CFAP54: variants seen among roughly 807,000 people sequenced by gnomAD.
CFAP54 encodes the protein cilia- and flagella-associated protein 54.
Under a neutral mutation model 370.4 loss-of-function variants are expected in CFAP54, and 290 were observed. That is an observed-to-expected ratio of 0.78 (90% CI 0.71 to 0.86). The LOEUF is 0.86. Ranked by LOEUF, CFAP54 falls within the 40% of genes least tolerant of loss-of-function variation. The pLI is 0.00. For synonymous variants in CFAP54, 1,206 were observed against 1,236.5 expected (o/e 0.98, Z 0.52); for missense variants, 3,399 against 3,528.7 (o/e 0.96, Z 0.93).
At chr12:96,583,228 T>C (rs558198885) in intron 22 of CFAP54, among the ~76,000 whole-genome samples, 56 of 152,188 alleles carry the variant, frequency 3.7e-4, no homozygotes, top group Non-Finnish European at 6.6e-4. Context: ...CTTTTTGAAT[T>C]ATCTATTTTC....
At chr12:96,764,018 G>A (rs960646553) in intron 58 of CFAP54, 133 bp from the exon 59 acceptor site, 9 of 522,564 alleles carry the variant, frequency 1.7e-5, no homozygotes, top group South Asian at 3.4e-5. Flanking sequence ...AATGTATTTC[G>A]AATATCTTCT....
At chr12:96,761,732 T>C (rs1338860808) in intron 58 of CFAP54, among the ~76,000 whole-genome samples, 1 of 152,176 alleles carries the variant, frequency 6.6e-6, no homozygotes, top group African/African-American at 2.4e-5. Context: ...CTCAGCACCA[T>C]TTGTTGCAAA....
chr12:96,710,992 T>A (rs1048506728), intron 48 of CFAP54, among the ~76,000 whole-genome samples: 9 of 152,236 alleles, frequency 5.9e-5, no homozygotes, highest in Non-Finnish European at 1.3e-4. Flanking sequence ...TGATATTAAC[T>A]CTTCTTTAAA....
At chr12:96,525,377 A>G (rs1955367978) in intron 8 of CFAP54, among the ~76,000 whole-genome samples, 1 of 151,442 alleles carries the variant, frequency 6.6e-6, no homozygotes, top group African/African-American at 2.4e-5. Context: ...TGTTTTCCTT[A>G]TTGCTTCAGC....
intron 19 of CFAP54, among the ~76,000 whole-genome samples, chr12:96,567,839 G>A (rs1435716104): frequency 6.6e-6 from 1 of 152,040 alleles, no homozygotes; most frequent in Non-Finnish European, 1.5e-5. Context: ...CAAGTTTCCA[G>A]TGTGGGCAGG....
At chr12:96,723,634 A>T (rs1287897457) in intron 50 of CFAP54, among the ~76,000 whole-genome samples, 1 of 151,958 alleles carries the variant, frequency 6.6e-6, no homozygotes, top group East Asian at 1.9e-4. Flanking sequence ...GGAAGAGAGA[A>T]ACTGGAGCCC....
chr12:96,612,044 G>A (rs927628690), intron 26 of CFAP54, among the ~76,000 whole-genome samples: 1 of 152,102 alleles, frequency 6.6e-6, no homozygotes, highest in Non-Finnish European at 1.5e-5. Context: ...TACAGAGAAC[G>A]CCACAAAGAT....
Position 96,630,618 on chromosome 12 carries a change from AT to A in CFAP54, c.4284del (p.Pro1429ArgfsTer25). ...ACTCTAAGAGATTTCATTTTTAAAA[AT>A]CCGGCTATTTCTGAAATGGTGGCAC... Reference protein sequence around the residue: ...KETLRDFIFKNPAISEMVAHE... With the variant: ...KETLRDFIFKXPAISEMVAHE... On this transcript the variant is annotated frameshift_variant, in exon 32 of 68. Transcript: ENST00000524981. LOFTEE classifies it high-confidence loss of function. 6.7e-7 allele frequency: 1 copy of A among 1,503,702 alleles called. No homozygotes were observed. Among genetic ancestry groups the A allele is most frequent in the Non-Finnish European group, 8.8e-7 (1 of 1,133,212 alleles). The allele number at this position is 1,503,702 out of a possible 1,614,324, so 93.1% of individuals were successfully genotyped here. A position where few individuals can be genotyped will look rare whatever the true frequency, so the allele number is the denominator to read the frequency against.
intron 66 of CFAP54, among the ~76,000 whole-genome samples, chr12:96,852,410 T>C (rs762323866): frequency 2.0e-5 from 3 of 152,114 alleles, no homozygotes; most frequent in Non-Finnish European, 4.4e-5. Flanking sequence ...TACAATCCCA[T>C]GATTTATGAC....
chr12:96,531,935 A>G (rs1306153294), intron 9 of CFAP54, among the ~76,000 whole-genome samples: 1 of 152,200 alleles, frequency 6.6e-6, no homozygotes, highest in East Asian at 1.9e-4. Flanking sequence ...CATGTTGGCC[A>G]GGCTGGTCTC....
intron 40 of CFAP54, among the ~76,000 whole-genome samples, chr12:96,682,995 A>G (rs980337516): frequency 6.6e-6 from 1 of 152,062 alleles, no homozygotes; most frequent in Admixed American, 6.6e-5. Context: ...GCTTTTCTAC[A>G]GCTTCAGTAG....
At chr12:96,595,184 T>C (rs1956165004) in intron 25 of CFAP54, among the ~76,000 whole-genome samples, 1 of 152,184 alleles carries the variant, frequency 6.6e-6, no homozygotes, top group African/African-American at 2.4e-5. Flanking sequence ...CCTTGCCACA[T>C]GGCCCTTCCA....
chr12:96,844,764 C>T (rs1959291129), intron 66 of CFAP54, among the ~76,000 whole-genome samples: 1 of 152,142 alleles, frequency 6.6e-6, no homozygotes, highest in South Asian at 2.1e-4. Flanking sequence ...GGCACTCCCC[C>T]AGCTCCCAAC....
chr12:96,629,127 A>T (rs985229959), intron 30 of CFAP54, among the ~76,000 whole-genome samples: 1 of 152,092 alleles, frequency 6.6e-6, no homozygotes, highest in Admixed American at 6.6e-5. Context: ...TTACTTTTAC[A>T]GTATTCTCTG....
At chr12:96,676,076 TTAAAG>T (rs1419182803) in intron 39 of CFAP54, among the ~76,000 whole-genome samples, 1 of 151,962 alleles carries the variant, frequency 6.6e-6, no homozygotes, top group Admixed American at 6.6e-5. Context: ...ACCCTAAAAC[TTAAAG>T]TATAATAAAA....
At chr12:96,684,074 G>A (rs1158752219) in intron 40 of CFAP54, among the ~76,000 whole-genome samples, 2 of 152,172 alleles carry the variant, frequency 1.3e-5, no homozygotes, top group Non-Finnish European at 2.9e-5. Flanking sequence ...TTATAGGCAT[G>A]AGCTACCTTG....
chr12:96,754,342 T>C (rs1451602658), intron 56 of CFAP54, among the ~76,000 whole-genome samples: 1 of 152,194 alleles, frequency 6.6e-6, no homozygotes, highest in African/African-American at 2.4e-5. Flanking sequence ...TTAAAACTTA[T>C]ATATAACACC....
chr12:96,753,876 A>G lies in CFAP54; in HGVS notation c.7818A>G (p.Glu2606=), dbSNP rs1390346995. 1 of 1,613,860 alleles carries G rather than the reference A, an allele frequency of 6.2e-7. No homozygotes were observed. Among genetic ancestry groups the G allele is most frequent in the South Asian group, 1.1e-5 (1 of 91,042 alleles). Residue 2606 remains glutamate (E), a synonymous_variant, in exon 56 of 68, where the codon GAA becomes GAG. Transcript: ENST00000524981. ...CAGCAGTGGAGGAACATGAGGTGGAAGCTGAAATCCTTTTTCAGAAAGGTA... is the reference window on the plus strand; with the variant it reads ...CAGCAGTGGAGGAACATGAGGTGGAGGCTGAAATCCTTTTTCAGAAAGGTA... ...RTTAVEEHEV[E]AEILFQKGKI...
chr12:96,697,523 ATATTT>A (rs1349354758), intron 45 of CFAP54, among the ~76,000 whole-genome samples: 3 of 152,078 alleles, frequency 2.0e-5, no homozygotes, highest in Admixed American at 6.6e-5. Context: ...CCTGATTTTT[ATATTT>A]TATTTTCATG....
Sources: gnomAD v4.1 joint callset for allele counts (sites outside exome capture counted in the v4.1 genomes callset) on GRCh38, gnomAD v4.1.1 for gene constraint, MANE v1.5 for transcripts, NCBI Gene and HGNC (gene_info 2026-07-23, HGNC 2026-07-21) for gene names.